The following SORCS2 variants were observed in gnomAD, a reference collection of about 807,000 sequenced individuals.
SORCS2 encodes the protein VPS10 domain-containing receptor SorCS2.
Under a neutral mutation model 141.6 loss-of-function variants are expected in SORCS2, and 100 were observed. That is an observed-to-expected ratio of 0.71 (90% confidence interval 0.60 to 0.83). The LOEUF is 0.83. SORCS2 is among the 40% of genes least tolerant of loss of function. The probability of loss-of-function intolerance (pLI) is 0.00; values close to 1 mark genes in which losing one functional copy is unlikely to be tolerated. For synonymous variants in SORCS2, 789 were observed against 676.9 expected, an observed-to-expected ratio of 1.17 and a Z score of -2.57; for missense variants, 1,646 against 1,560.2, an observed-to-expected ratio of 1.05 and a Z score of -0.93.
At chr4:7,738,912 C>T (rs977521915) in intron 26 of SORCS2, among the ~76,000 whole-genome samples, 1 of 152,166 alleles carries the variant, frequency 6.6e-6, no homozygotes, top group Non-Finnish European at 1.5e-5. Context: ...CTGCCCCACC[C>T]CCGGTGGGGG....
chr4:7,726,973 T>G, intron 21 of SORCS2, 70 bp downstream of exon 21: 1 of 1,528,758 alleles, frequency 6.5e-7, no homozygotes, highest in Non-Finnish European at 8.9e-7. Context: ...CCAGGCCACA[T>G]GGGTCGCGTA....
intron 2 of SORCS2, among the ~76,000 whole-genome samples, chr4:7,472,638 G>A (rs1471291502): frequency 6.6e-6 from 1 of 152,190 alleles, no homozygotes; most frequent in African/African-American, 2.4e-5. Context: ...GCGCTTCTGG[G>A]AAGGACACGG....
At position 7,249,980 on chromosome 4, in the gene SORCS2, G is replaced by A. The variant is rs552062947; in HGVS notation, c.480+56854G>A. Among the ~76,000 whole-genome samples the A allele has an allele frequency of 3.3e-5, 5 of 152,302 alleles. No individual in the cohort carries two copies. In the South Asian group the frequency reaches 1.0e-3, roughly 32 times the overall value. ...GGGTAGGCTGGACGCGGTGGCTCGTGCTTGTAATCCTAACACTTTGGGAGG... is the reference window on the plus strand; with the variant it reads ...GGGTAGGCTGGACGCGGTGGCTCGTACTTGTAATCCTAACACTTTGGGAGG... On this transcript the variant is annotated intron_variant, in intron 1 of 26. Coordinates refer to ENST00000507866, the MANE Select transcript of SORCS2 (RefSeq NM_020777.3).
At chr4:7,398,465 A>G (rs963541929) in intron 2 of SORCS2, among the ~76,000 whole-genome samples, 1 of 152,240 alleles carries the variant, frequency 6.6e-6, no homozygotes, top group Non-Finnish European at 1.5e-5. Context: ...GCAAATTGAC[A>G]GATTTTAATT....
At chr4:7,433,269 C>T in intron 2 of SORCS2, 1 of 1,346,820 alleles carries the variant, frequency 7.4e-7, no homozygotes, top group Non-Finnish European at 9.5e-7. Context: ...AAAGCACCCA[C>T]CTCATGGGCC....
chr4:7,394,063 C>A (rs1724043943), intron 1 of SORCS2, among the ~76,000 whole-genome samples: 1 of 150,596 alleles, frequency 6.6e-6, no homozygotes, highest in East Asian at 1.9e-4. Flanking sequence ...GCAAAGCCAA[C>A]GCCGCAGGAA....
At chr4:7,397,568 T>A (rs887461478) in intron 2 of SORCS2, among the ~76,000 whole-genome samples, 1 of 152,024 alleles carries the variant, frequency 6.6e-6, no homozygotes, top group African/African-American at 2.4e-5. Context: ...AGAGGACAGA[T>A]GTTCCCTGCC....
At chr4:7,296,977 C>G (rs1647139297) in intron 1 of SORCS2, among the ~76,000 whole-genome samples, 1 of 152,190 alleles carries the variant, frequency 6.6e-6, no homozygotes, top group African/African-American at 2.4e-5. Flanking sequence ...TCCCCAGACA[C>G]CAGCATCTTC....
chr4:7,361,811 C>T (rs1721598491), intron 1 of SORCS2, among the ~76,000 whole-genome samples: 1 of 149,732 alleles, frequency 6.7e-6, no homozygotes, highest in South Asian at 2.1e-4. Context: ...TAATGCCGGG[C>T]AAGGCTAAAG....
intron 1 of SORCS2, among the ~76,000 whole-genome samples, chr4:7,294,422 G>A (rs994490902): frequency 2.6e-5 from 4 of 152,024 alleles, no homozygotes; most frequent in Non-Finnish European, 4.4e-5. Flanking sequence ...CCCCGCAGCC[G>A]ACCTTCTGGG....
intron 2 of SORCS2, among the ~76,000 whole-genome samples, chr4:7,453,605 G>A (rs1728646142): frequency 1.5e-5 from 2 of 137,624 alleles, no homozygotes; most frequent in South Asian, 5.0e-4. Flanking sequence ...GGGGTCAGGA[G>A]CTGTGTGTTG....
intron 3 of SORCS2, among the ~76,000 whole-genome samples, chr4:7,633,871 G>A (rs1359618754): frequency 1.6e-5 from 1 of 63,662 alleles, no homozygotes; most frequent in African/African-American, 3.5e-5. Flanking sequence ...GGCCAGTGAG[G>A]ATGGTGGACA....
chr4:7,724,145 G>GTGGTGGTGGTGGTGA (rs1405646235), intron 19 of SORCS2, among the ~76,000 whole-genome samples: 4 of 123,338 alleles, frequency 3.2e-5, no homozygotes, highest in Admixed American at 2.3e-4. Flanking sequence ...GGTGGTGATG[G>GTGGTGGTGGTGGTGA]TCGTGGTGGT....
intron 3 of SORCS2, among the ~76,000 whole-genome samples, chr4:7,609,292 C>T (rs1718255732): frequency 6.6e-6 from 1 of 152,212 alleles, no homozygotes; most frequent in South Asian, 2.1e-4. Flanking sequence ...TCTTTCAGTG[C>T]CTTACATACA....
intron 26 of SORCS2, among the ~76,000 whole-genome samples, chr4:7,739,442 G>A (rs566521731): frequency 3.9e-5 from 6 of 152,290 alleles, no homozygotes; most frequent in Admixed American, 6.5e-5. Context: ...AGCCCCTAAA[G>A]AGTAATCCTA....
chr4:7,265,919 G>C (rs1317744296), intron 1 of SORCS2, among the ~76,000 whole-genome samples: 1 of 152,090 alleles, frequency 6.6e-6, no homozygotes, highest in Non-Finnish European at 1.5e-5. Context: ...CCCAGGACCA[G>C]GGCTCAGGCT....
intron 3 of SORCS2, among the ~76,000 whole-genome samples, chr4:7,533,597 T>C (rs1711847475): frequency 6.6e-6 from 1 of 152,184 alleles, no homozygotes; most frequent in Non-Finnish European, 1.5e-5. Flanking sequence ...TGGGATGTGA[T>C]GGTACCTCCA....
At chr4:7,493,183 T>C (rs1731411658) in intron 2 of SORCS2, among the ~76,000 whole-genome samples, 1 of 152,108 alleles carries the variant, frequency 6.6e-6, no homozygotes, top group African/African-American at 2.4e-5. Flanking sequence ...GAATCTCAGG[T>C]GGGAGGGTTT....
At chr4:7,428,886 C>T (rs1181332227) in intron 2 of SORCS2, among the ~76,000 whole-genome samples, 2 of 152,134 alleles carry the variant, frequency 1.3e-5, no homozygotes, top group South Asian at 2.1e-4. Context: ...GGGGTGGTGG[C>T]GCAGGGGAGC....
Sources: allele counts gnomAD v4.1 joint callset (sites outside exome capture counted in the v4.1 genomes callset), GRCh38; gene constraint gnomAD v4.1.1; transcripts MANE v1.5; gene names NCBI Gene and HGNC (gene_info 2026-07-23, HGNC 2026-07-21).